PRTN3: variants seen among roughly 807,000 people sequenced by gnomAD.
The protein encoded by PRTN3 is myeloblastin.
Under a neutral mutation model 20.7 loss-of-function variants are expected in PRTN3, and 22 were observed. The ratio of observed to expected loss-of-function variants is 1.06; its 90% CI spans 0.76 to 1.52. PRTN3 has a LOEUF of 1.52. PRTN3 is among the 40% of genes most tolerant of loss of function. PRTN3 has a pLI of 0.00. For missense variants in PRTN3, 378 were observed against 359.6 expected, an observed-to-expected ratio of 1.05 and a Z score of -0.41; for synonymous variants, 173 against 152.9, an observed-to-expected ratio of 1.13 and a Z score of -0.97.
intron 3 of PRTN3, 136 bp from the exon 4 acceptor site, chr19:846,011 T>A: frequency 3.7e-6 from 2 of 545,712 alleles, no homozygotes; most frequent in Non-Finnish European, 6.3e-6. Flanking sequence ...ACAAAGGGGG[T>A]CGTGGGGCCC....
chr19:843,035 C>T (rs929879397), intron 1 of PRTN3, among the ~76,000 whole-genome samples: 3 of 152,314 alleles, frequency 2.0e-5, no homozygotes, highest in Admixed American at 6.5e-5. Context: ...CCTCCTCAGC[C>T]TCCCAAGTAG....
In PRTN3 at chr19:847,829, G is replaced by T; in HGVS notation, c.631G>T (p.Gly211Cys). 1.2e-6 allele frequency: 2 copies of T among 1,609,574 alleles called. No homozygotes were observed. The highest frequency in any genetic ancestry group is 1.7e-6 in the Non-Finnish European group (2 of 1,177,850). ...GDSGGPLICDGIIQGIDSFVI... is the reference protein window; with the variant it reads ...GDSGGPLICDCIIQGIDSFVI... ...CTCAGGTGGCCCCCTGATCTGTGAT[G>T]GCATCATCCAAGGAATAGACTCCTT... is the stretch of plus-strand genomic sequence containing the variant. Residue 211 changes from glycine to cysteine, a missense_variant, in exon 5 of 5, where the codon GGC becomes TGC. Physicochemically the swap from Gly to Cys is radical, Grantham distance 159. Coordinates refer to ENST00000234347, the MANE Select transcript of PRTN3 (RefSeq NM_002777.4).
intron 3 of PRTN3, among the ~76,000 whole-genome samples, chr19:844,322 G>GCCTCTCCCCCGCCCGCC (rs2035488757): frequency 1.1e-5 from 1 of 89,966 alleles, no homozygotes; most frequent in Non-Finnish European, 2.1e-5. Flanking sequence ...CCCCGCCCGC[G>GCCTCTCCCCCGCCCGCC]CCTCTCCCTT....
In PRTN3 at chr19:843,559, C is replaced by G; in HGVS notation, c.160C>G (p.His54Asp). 6.2e-7 allele frequency: 1 copy of G among 1,602,590 alleles called. No homozygotes were observed. Among genetic ancestry groups the G allele is most frequent in the African/African-American group, 1.3e-5 (1 of 74,938 alleles). Reference sequence around the variant, plus strand: ...GCAGATGCGGGGGAACCCGGGCAGCCACTTCTGCGGAGGCACCTTGATCCA... The same window carrying G: ...GCAGATGCGGGGGAACCCGGGCAGCGACTTCTGCGGAGGCACCTTGATCCA... ...SLQMRGNPGS[H>D]FCGGTLIHPS... The change falls in exon 2 of 5, where the codon CAC (histidine) becomes GAC (aspartate). Residue 54 changes from histidine to aspartate, a missense_variant. Physicochemically the swap from His to Asp is moderately conservative, Grantham distance 81 (BLOSUM62 -1). Coordinates refer to ENST00000234347, the MANE Select transcript of PRTN3 (RefSeq NM_002777.4).
In PRTN3 at chr19:841,759, G is replaced by A. The variant is rs561593906; in HGVS notation, c.61+690G>A. Among the ~76,000 whole-genome samples the A allele has an allele frequency of 2.6e-3, 317 of 123,990 alleles. 11 individuals carry two copies. Among genetic ancestry groups the A allele is most frequent in the Middle Eastern group, 8.1e-3 (2 of 246 alleles). 81.3% of individuals were successfully genotyped at this position (123,990 alleles called of 152,430 possible). On this transcript the variant is annotated intron_variant, in intron 1 of 4. Coordinates refer to ENST00000234347, the MANE Select transcript of PRTN3 (RefSeq NM_002777.4). ...TTTTTTTTTTTTGAGACGGAGTCTC[G>A]CCCTGTCGCCCAGGCTGGAGTGCAG...
intron 3 of PRTN3, 28 bp from the exon 4 acceptor site, chr19:846,119 T>A: frequency 7.2e-7 from 1 of 1,381,558 alleles, no homozygotes; most frequent in Non-Finnish European, 9.4e-7. Context: ...GGAAGCAGCG[T>A]CTCACCGCCG....
At chr19:847,511 AAG>A (rs1180471281) in intron 4 of PRTN3, among the ~76,000 whole-genome samples, 1 of 150,228 alleles carries the variant, frequency 6.7e-6, no homozygotes, top group African/African-American at 2.4e-5. Flanking sequence ...AGAAAGAAGA[AAG>A]AAAGAAAAAG....
intron 4 of PRTN3, among the ~76,000 whole-genome samples, chr19:847,256 A>G (rs1056498195): frequency 2.6e-5 from 4 of 151,968 alleles, no homozygotes; most frequent in Middle Eastern, 3.2e-3. Context: ...GCAGTGAGCT[A>G]TGATTGTGCC....
intron 1 of PRTN3, among the ~76,000 whole-genome samples, chr19:842,560 C>G (rs2035459419): frequency 7.0e-6 from 1 of 143,424 alleles, no homozygotes; most frequent in Non-Finnish European, 1.5e-5. Context: ...GCTGAGATTA[C>G]AGGTGCGAAC....
rs1327533933 is a variant in PRTN3 at position 844,016 on chromosome 19, C to T, written c.351C>T (p.Asn117=). 1.9e-6 allele frequency: 3 copies of T among 1,606,480 alleles called. No homozygotes were observed. Among genetic ancestry groups the T allele is most frequent in the East Asian group, 2.2e-5 (1 of 44,542 alleles). Residue 117 remains asparagine (N), a synonymous_variant, in exon 3 of 5, where the codon AAC becomes AAT. Transcript: ENST00000234347. ...ACTACGACGCGGAGAACAAACTGAA[C>T]GACGTTCTCCTCATCCAGGTGGGCG... is the stretch of plus-strand genomic sequence containing the variant. The part of the protein sequence containing the change: ...LNNYDAENKL[N]DVLLIQLSSP...
At chr19:846,498 G>C (rs2035518788) in intron 4 of PRTN3, 121 bp downstream of exon 4, 3 of 1,049,784 alleles carry the variant, frequency 2.9e-6, no homozygotes, top group Non-Finnish European at 2.7e-6. Context: ...CTCCCCACCT[G>C]GAAGGTGGGC....
intron 4 of PRTN3, among the ~76,000 whole-genome samples, chr19:847,338 G>A (rs192676099): frequency 5.3e-5 from 8 of 151,746 alleles, no homozygotes; most frequent in Non-Finnish European, 7.4e-5. Flanking sequence ...TCGGGAGGCC[G>A]AGGCAGGAGA....
rs2035468335 is a variant in PRTN3 at position 843,315 on chromosome 19, G to T, written c.62-146G>T. On this transcript the variant is annotated intron_variant, in intron 1 of 4. Transcript: ENST00000234347. Reference sequence around the variant, plus strand: ...CGTAATTATAACCCCCCCGGCCTGGGCGCTGAGTCCTTCCCACCAGCCAGC... The same window carrying T: ...CGTAATTATAACCCCCCCGGCCTGGTCGCTGAGTCCTTCCCACCAGCCAGC... 3.8e-6 allele frequency: 3 copies of T among 798,536 alleles called. No homozygotes were observed. The East Asian group carries it at 8.9e-5, about 24-fold the overall frequency. 49.5% of individuals were successfully genotyped at this position (798,536 alleles called of 1,614,324 possible). A position where few individuals can be genotyped will look rare whatever the true frequency, so the allele number is the denominator to read the frequency against.
At chr19:841,928 G>C (rs1194756757) in intron 1 of PRTN3, among the ~76,000 whole-genome samples, 2 of 151,762 alleles carry the variant, frequency 1.3e-5, no homozygotes, top group African/African-American at 2.4e-5. Context: ...GGGGTTTCAA[G>C]GTGTTAGCCA....
chr19:843,853 G>T, intron 2 of PRTN3, 40 bp from the exon 3 acceptor site: 1 of 1,546,936 alleles, frequency 6.5e-7, no homozygotes, highest in Non-Finnish European at 8.7e-7. Context: ...GCGGCGGCGA[G>T]TGTCCAGGGC....
At position 842,413 on chromosome 19, in the gene PRTN3, A is replaced by ATTTTTTTTT. The variant is rs34047197; in HGVS notation, c.62-1032_62-1024dup. 2.8e-3 allele frequency among the ~76,000 whole-genome samples: 109 copies of ATTTTTTTTT among 39,416 alleles called. 23 individuals carry two copies. Among genetic ancestry groups the ATTTTTTTTT allele is most frequent in the African/African-American group, 0.013 (90 of 6,788 alleles). 25.9% of individuals were successfully genotyped at this position (39,416 alleles called of 152,430 possible). A position where few individuals can be genotyped will look rare whatever the true frequency, so the allele number is the denominator to read the frequency against. On this transcript the variant is annotated intron_variant, in intron 1 of 4. Transcript: ENST00000234347. ...TCAGGCATGAGCCACTGCGCCCAGG[A>ATTTTTTTTT]TTTTTTTTTTTTTTTTTTTTTTTTG...
At chr19:841,949 G>T (rs192757354) in intron 1 of PRTN3, among the ~76,000 whole-genome samples, 12 of 151,686 alleles carry the variant, frequency 7.9e-5, no homozygotes, top group African/African-American at 2.9e-4. Context: ...GGATGGTCTC[G>T]ATCTCCTGAC....
rs377081507 is a variant in PRTN3 at position 847,994 on chromosome 19, G to C, written c.*25G>C. 28 of 1,576,942 alleles carry C rather than the reference G, an allele frequency of 1.8e-5. No homozygotes were observed. The highest frequency in any genetic ancestry group is 1.8e-4 in the Middle Eastern group (1 of 5,516). ...AACCGCCCCTCCCACAGCGCTGGCC[G>C]GGACCCCGAGCCTGGCTCCAAACCC... On this transcript the variant is annotated 3_prime_UTR_variant, in exon 5 of 5. Coordinates refer to ENST00000234347, the MANE Select transcript of PRTN3 (RefSeq NM_002777.4).
chr19:842,454 C>G (rs1345423123), intron 1 of PRTN3, among the ~76,000 whole-genome samples: 1 of 100,214 alleles, frequency 1.0e-5, no homozygotes, highest in Non-Finnish European at 1.7e-5. Flanking sequence ...GAATCTCACT[C>G]TGTTGCCCAG....
Sources: gnomAD v4.1 joint callset for allele counts (sites outside exome capture counted in the v4.1 genomes callset) on GRCh38, gnomAD v4.1.1 for gene constraint, MANE v1.5 for transcripts, NCBI Gene and HGNC (gene_info 2026-07-23, HGNC 2026-07-21) for gene names.